The following CACNA1C variants were observed in gnomAD, a reference collection of about 807,000 sequenced individuals.
CACNA1C encodes the protein voltage-dependent L-type calcium channel subunit alpha-1C.
A neutral mutation model predicts 229.0 loss-of-function variants in CACNA1C; 30 were observed. That is an observed-to-expected ratio of 0.13 (90% CI 0.10 to 0.18). CACNA1C has a LOEUF of 0.18. Ranked by LOEUF, CACNA1C falls within the 10% of genes least tolerant of loss-of-function variation. CACNA1C has a pLI of 1.00. For missense variants in CACNA1C, 1,658 were observed against 2,845.0 expected, an observed-to-expected ratio of 0.58 and a Z score of 9.49; for synonymous variants, 1,114 against 1,132.5, an observed-to-expected ratio of 0.98 and a Z score of 0.33.
chr12:2,579,565 G>A (rs910017351), intron 13 of CACNA1C, among the ~76,000 whole-genome samples: 165 of 152,098 alleles, frequency 1.1e-3, no homozygotes, highest in African/African-American at 3.8e-3. Flanking sequence ...TGGTATTGTT[G>A]TTGTTCTATT....
intron 13 of CACNA1C, among the ~76,000 whole-genome samples, chr12:2,579,287 A>C (rs1441539167): frequency 1.3e-5 from 2 of 152,160 alleles, no homozygotes. Flanking sequence ...AGAATCTTCC[A>C]TGACAGTTGA....
In CACNA1C at chr12:2,679,824, G is replaced by A. The variant is rs776509070; in HGVS notation, c.5444+28G>A. The A allele has an allele frequency of 1.2e-4, 173 of 1,458,162 alleles. No homozygotes were observed. The highest frequency in any genetic ancestry group is 1.5e-4 in the Non-Finnish European group (156 of 1,070,860). 90.3% of individuals were successfully genotyped at this position (1,458,162 alleles called of 1,614,324 possible). A position where few individuals can be genotyped will look rare whatever the true frequency, so the allele number is the denominator to read the frequency against. On this transcript the variant is annotated intron_variant, in intron 42 of 46. Transcript: ENST00000399655. This position sits in a 1 kb window ranked among gnomAD's most constrained non-coding sequence, Gnocchi z 5.5. ...AAGTGGGAGGCTGGCCACCCCAGGC[G>A]GCACACAGGGCCCACGTGCTGCAAC...
At chr12:2,105,917 C>T (rs867055037) in intron 1 of CACNA1C, among the ~76,000 whole-genome samples, 5 of 33,132 alleles carry the variant, frequency 1.5e-4, no homozygotes, top group African/African-American at 3.9e-4. Context: ...GGGTTTCCAC[C>T]TCAGCTGGGC....
intron 7 of CACNA1C, among the ~76,000 whole-genome samples, chr12:2,499,192 G>A (rs2099753401): frequency 6.6e-6 from 1 of 152,130 alleles, no homozygotes; most frequent in Admixed American, 6.5e-5. Flanking sequence ...CATAGATTCT[G>A]AAAGCCGCAG....
At chr12:2,336,491 G>A (rs1429747500) in intron 3 of CACNA1C, among the ~76,000 whole-genome samples, 3 of 152,184 alleles carry the variant, frequency 2.0e-5, no homozygotes, top group Non-Finnish European at 4.4e-5. Flanking sequence ...CCACCAGTGA[G>A]TCAGAAGGTC....
intron 37 of CACNA1C, chr12:2,668,653 A>G: frequency 5.5e-6 from 2 of 363,828 alleles, no homozygotes; most frequent in Non-Finnish European, 1.0e-5. Context: ...ATGGACAGAC[A>G]GGGAGCAAGA....
intron 18 of CACNA1C, among the ~76,000 whole-genome samples, chr12:2,590,066 C>T (rs1275509685): frequency 2.0e-5 from 3 of 152,188 alleles, no homozygotes; most frequent in Admixed American, 6.5e-5. Flanking sequence ...CAGACTCTTG[C>T]GCCCTGCTAG....
intron 3 of CACNA1C, among the ~76,000 whole-genome samples, chr12:2,445,379 C>T (rs2099267665): frequency 6.6e-6 from 1 of 152,192 alleles, no homozygotes. Flanking sequence ...CCTCAAGTCT[C>T]CAGCACCCAA....
intron 3 of CACNA1C, among the ~76,000 whole-genome samples, chr12:2,216,679 A>G (rs1452024700): frequency 6.6e-6 from 1 of 152,234 alleles, no homozygotes; most frequent in East Asian, 1.9e-4. Context: ...GCCTCAACTC[A>G]GAGGAGTTCT....
chr12:2,457,756 G>T, intron 5 of CACNA1C, 50 bp downstream of exon 5: 2 of 1,420,844 alleles, frequency 1.4e-6, no homozygotes, highest in South Asian at 3.4e-5. Flanking sequence ...ACCACCTTCT[G>T]CTGTCCTTTG....
intron 4 of CACNA1C, among the ~76,000 whole-genome samples, chr12:2,456,061 C>A (rs904983621): frequency 6.6e-6 from 1 of 152,198 alleles, no homozygotes; most frequent in Non-Finnish European, 1.5e-5. Flanking sequence ...CATTCGATGT[C>A]CAAGCAACAA....
chr12:2,433,200 A>G (rs1567649498), intron 3 of CACNA1C, among the ~76,000 whole-genome samples: 4 of 152,222 alleles, frequency 2.6e-5, no homozygotes, highest in Non-Finnish European at 5.9e-5. Context: ...ATCTCAGCAC[A>G]GGAAGCAGAG....
At chr12:2,657,983 A>AGAAGTAT (rs2095508366) in intron 34 of CACNA1C, among the ~76,000 whole-genome samples, 1 of 151,116 alleles carries the variant, frequency 6.6e-6, no homozygotes. Flanking sequence ...ACATACCAAT[A>AGAAGTAT]GAAGTATAAG....
intron 11 of CACNA1C, 66 bp downstream of exon 11, chr12:2,557,043 G>A (rs779733879): frequency 2.7e-5 from 36 of 1,354,940 alleles, no homozygotes; most frequent in Non-Finnish European, 3.8e-5. Flanking sequence ...CACCCTGTTG[G>A]GTGGCCCAAG....
At chr12:2,200,148 T>C (rs1417798675) in intron 3 of CACNA1C, among the ~76,000 whole-genome samples, 1 of 152,218 alleles carries the variant, frequency 6.6e-6, no homozygotes, top group Non-Finnish European at 1.5e-5. Flanking sequence ...GGACCCTCGA[T>C]TCTGTTATTA....
In CACNA1C at chr12:2,686,381, G is replaced by A. The variant is rs2097491343; in HGVS notation, c.5784+112G>A. On this transcript the variant is annotated intron_variant, in intron 45 of 46. Coordinates refer to ENST00000399655, the MANE Select transcript of CACNA1C (RefSeq NM_000719.7). ...TGGGTCTTGCCTGTCTCAGATGGCT[G>A]GCACGTCCTGCCCCTGCCCTAAGAG... 13 of 868,290 alleles carry A rather than the reference G, an allele frequency of 1.5e-5. No individual in the cohort carries two copies. In the South Asian group the frequency reaches 1.7e-4, roughly 12 times the overall value. The allele number at this position is 868,290 out of a possible 1,614,324, so 53.8% of individuals were successfully genotyped here.
chr12:2,494,672 G>T (rs1304469564), intron 7 of CACNA1C, among the ~76,000 whole-genome samples: 1 of 152,230 alleles, frequency 6.6e-6, no homozygotes, highest in Non-Finnish European at 1.5e-5. Flanking sequence ...TCCTGAATCG[G>T]AAGGAAGAGT....
intron 13 of CACNA1C, among the ~76,000 whole-genome samples, chr12:2,572,352 TC>T (rs1568495145): frequency 9.7e-5 from 12 of 123,486 alleles, no homozygotes; most frequent in South Asian, 3.4e-4. Context: ...CTCCTCCTCC[TC>T]CTCTCCTCCT....
At position 2,493,186 on chromosome 12, in the gene CACNA1C, T is replaced by G; in HGVS notation, c.917-4T>G. The G allele has an allele frequency of 6.2e-7, 1 of 1,612,892 alleles. No homozygotes were observed. The highest frequency in any genetic ancestry group is 8.5e-7 in the Non-Finnish European group (1 of 1,179,008). On this transcript the variant is annotated splice_polypyrimidine_tract_variant and splice_region_variant and intron_variant, in intron 6 of 46. Transcript: ENST00000399655. This position sits in a 1 kb window ranked among gnomAD's most constrained non-coding sequence, Gnocchi z 4.6. ...CGTCTCCTGTCTTCTTCTGGCCATT[T>G]GAGATGTTCCAGCAGAAGATGACCC...
Sources: gnomAD v4.1 joint callset for allele counts (sites outside exome capture counted in the v4.1 genomes callset) on GRCh38, gnomAD v4.1.1 for gene constraint, Gnocchi (gnomAD v3.1) non-coding constraint, MANE v1.5 for transcripts, NCBI Gene and HGNC (gene_info 2026-07-23, HGNC 2026-07-21) for gene names.